FAM177A1: variants seen among roughly 807,000 people sequenced by gnomAD.
FAM177A1 encodes the protein family with sequence similarity 177 member A1.
In FAM177A1, 22 loss-of-function variants were observed where a neutral mutation model predicts 26.1. The ratio of observed to expected loss-of-function variants is 0.84; its 90% CI spans 0.60 to 1.20. FAM177A1 has a LOEUF of 1.20. Ranked by LOEUF, FAM177A1 falls within the 50% of genes most tolerant of loss-of-function variation. The pLI is 0.00. For synonymous variants in FAM177A1, 95 were observed against 99.3 expected (o/e 0.96, Z 0.26); for missense variants, 296 against 291.1 (o/e 1.02, Z -0.12).
rs1235188464 is a variant in FAM177A1 at position 35,064,086 on chromosome 14, A to G, written c.339+10635A>G. Among the ~76,000 whole-genome samples the G allele has an allele frequency of 6.1e-5, 9 of 148,672 alleles. No individual in the cohort carries two copies. The Admixed American group carries it at 6.2e-4, about 10-fold the overall frequency. ...AAAAAAAAATCCCTTTTGGTACTTC[A>G]TGCCTTTAAGAGTGCAATGGGCCAG... is the stretch of plus-strand genomic sequence containing the variant. On this transcript the variant is annotated intron_variant, in intron 2 of 4. Transcript: ENST00000280987.
intron 2 of FAM177A1, among the ~76,000 whole-genome samples, chr14:35,059,622 C>T (rs1039933285): frequency 3.3e-5 from 5 of 150,672 alleles, no homozygotes; most frequent in Non-Finnish European, 7.4e-5. Flanking sequence ...GCAACCTCTG[C>T]CTCCCAGGTT....
intron 2 of FAM177A1, among the ~76,000 whole-genome samples, chr14:35,076,641 T>G (rs1229984795): frequency 2.0e-5 from 3 of 152,116 alleles, no homozygotes; most frequent in Non-Finnish European, 4.4e-5. Flanking sequence ...ATCTTGCCGC[T>G]TATTTGTCCC....
At chr14:35,066,950 C>T (rs187967543) in intron 2 of FAM177A1, among the ~76,000 whole-genome samples, 258 of 152,162 alleles carry the variant, frequency 1.7e-3, no homozygotes, top group African/African-American at 5.7e-3. Flanking sequence ...TGCGCCACCA[C>T]GCCTGGCTAA....
At chr14:35,075,363 C>A (rs2045379142) in intron 2 of FAM177A1, among the ~76,000 whole-genome samples, 1 of 152,202 alleles carries the variant, frequency 6.6e-6, no homozygotes, top group Non-Finnish European at 1.5e-5. Context: ...CTACCTATGG[C>A]TAGCCAGTTT....
intron 2 of FAM177A1, among the ~76,000 whole-genome samples, chr14:35,072,634 G>T (rs1014893381): frequency 9.2e-5 from 14 of 152,148 alleles, no homozygotes; most frequent in Admixed American, 6.6e-5. Context: ...TGTTGTAAAA[G>T]AAGTCAAGTA....
At chr14:35,071,082 C>T (rs950439385) in intron 2 of FAM177A1, among the ~76,000 whole-genome samples, 4 of 151,688 alleles carry the variant, frequency 2.6e-5, no homozygotes, top group South Asian at 2.1e-4. Flanking sequence ...CTGCAAGCTC[C>T]GCCTCCCAGG....
chr14:35,077,236 A>G lies in FAM177A1; in HGVS notation c.406+20A>G, dbSNP rs752662181. On this transcript the variant is annotated intron_variant, in intron 3 of 4. Coordinates refer to ENST00000280987, the MANE Select transcript of FAM177A1 (RefSeq NM_173607.5). The stretch of plus-strand genomic sequence containing the variant: ...TCTCAGGTATTGCTTTTCTGCTTGA[A>G]TATTGTATAATTGCTGTAACATGCT... The G allele has an allele frequency of 9.3e-6, 15 of 1,606,818 alleles. No homozygotes were observed. The South Asian group carries it at 1.5e-4, about 16-fold the overall frequency.
At chr14:35,075,774 C>G (rs532996206) in intron 2 of FAM177A1, among the ~76,000 whole-genome samples, 3 of 152,240 alleles carry the variant, frequency 2.0e-5, no homozygotes, top group African/African-American at 7.2e-5. Context: ...ACAACCCCAT[C>G]AAAAAGTGGG....
chr14:35,055,737 T>C (rs2045052283), intron 2 of FAM177A1, among the ~76,000 whole-genome samples: 1 of 152,026 alleles, frequency 6.6e-6, no homozygotes, highest in African/African-American at 2.4e-5. Context: ...TGTTTAGATG[T>C]CTGGGGAACT....
At chr14:35,072,628 G>A (rs890218742) in intron 2 of FAM177A1, among the ~76,000 whole-genome samples, 1 of 152,150 alleles carries the variant, frequency 6.6e-6, no homozygotes, top group African/African-American at 2.4e-5. Flanking sequence ...GGTCCATGTT[G>A]TAAAAGAAGT....
intron 2 of FAM177A1, among the ~76,000 whole-genome samples, chr14:35,061,881 C>T (rs1566670366): frequency 6.6e-6 from 1 of 152,020 alleles, no homozygotes; most frequent in Non-Finnish European, 1.5e-5. Context: ...TCAGTGGTGC[C>T]ATGCTCAAGG....
At chr14:35,052,888 C>T (rs2044996696) in intron 1 of FAM177A1, among the ~76,000 whole-genome samples, 1 of 152,124 alleles carries the variant, frequency 6.6e-6, no homozygotes, top group Non-Finnish European at 1.5e-5. Context: ...CACTACTGCT[C>T]TCCAGCCTAG....
Position 35,051,800 on chromosome 14 carries a change from T to C in FAM177A1, c.166-1478T>C, listed in dbSNP as rs183134603. Among the ~76,000 whole-genome samples the C allele has an allele frequency of 2.3e-3, 350 of 152,298 alleles. 2 individuals are homozygous for C. The highest frequency in any genetic ancestry group is 8.1e-3 in the African/African-American group (336 of 41,562). On this transcript the variant is annotated intron_variant, in intron 1 of 4. Transcript: ENST00000280987. ...AGGTAAAAGGCAGAGAAGAATCATA[T>C]CTGTTTTCTAAGAAGGACCTTAGAA...
At chr14:35,071,235 G>T (rs2045317177) in intron 2 of FAM177A1, among the ~76,000 whole-genome samples, 1 of 151,420 alleles carries the variant, frequency 6.6e-6, no homozygotes, top group Non-Finnish European at 1.5e-5. Context: ...TTGACCTCGT[G>T]ATCCACCCTC....
At chr14:35,072,069 G>A (rs1375533072) in intron 2 of FAM177A1, among the ~76,000 whole-genome samples, 3 of 152,170 alleles carry the variant, frequency 2.0e-5, no homozygotes, top group East Asian at 1.9e-4. Flanking sequence ...AAGGTCAGGA[G>A]TTTGAGACCA....
At chr14:35,047,965 G>A (rs2044900507) in intron 1 of FAM177A1, among the ~76,000 whole-genome samples, 4 of 152,064 alleles carry the variant, frequency 2.6e-5, no homozygotes, top group Admixed American at 2.6e-4. Context: ...ATTAACAAAA[G>A]CTTATCCAGC....
chr14:35,053,631 C>A (rs995753940), intron 2 of FAM177A1, among the ~76,000 whole-genome samples, 180 bp downstream of exon 2: 1 of 152,076 alleles, frequency 6.6e-6, no homozygotes, highest in Non-Finnish European at 1.5e-5. Context: ...GGAAATATTT[C>A]CAGCATTTCA....
chr14:35,069,380 G>A (rs958825278), intron 2 of FAM177A1, among the ~76,000 whole-genome samples: 4 of 151,602 alleles, frequency 2.6e-5, no homozygotes, highest in South Asian at 2.1e-4. Flanking sequence ...CTGCCTCCCG[G>A]GTTCAAGCGA....
At chr14:35,051,259 A>G (rs2044964936) in intron 1 of FAM177A1, among the ~76,000 whole-genome samples, 1 of 152,074 alleles carries the variant, frequency 6.6e-6, no homozygotes, top group African/African-American at 2.4e-5. Flanking sequence ...AGCTGGGACT[A>G]CAGGTGCGTG....
Sources: gnomAD v4.1 joint callset for allele counts (sites outside exome capture counted in the v4.1 genomes callset) on GRCh38, gnomAD v4.1.1 for gene constraint, MANE v1.5 for transcripts, NCBI Gene and HGNC (gene_info 2026-07-23, HGNC 2026-07-21) for gene names.